Variants in CYP3A5 observed in about 807,000 individuals in gnomAD.
CYP3A5 encodes the protein cytochrome P450 3A5.
Under a neutral mutation model 55.9 loss-of-function variants are expected in CYP3A5, and 51 were observed. That is an observed-to-expected ratio of 0.91 (90% confidence interval 0.73 to 1.15). CYP3A5 has a LOEUF of 1.15. Among genes scored for constraint, CYP3A5 ranks in the 50% most tolerant of loss-of-function variants. The pLI is 0.00. For missense variants in CYP3A5, 533 were observed against 596.6 expected, an observed-to-expected ratio of 0.89 and a Z score of 1.11; for synonymous variants, 196 against 213.9, an observed-to-expected ratio of 0.92 and a Z score of 0.73.
chr7:99,649,299 G>T (rs1234754765), intron 12 of CYP3A5, among the ~76,000 whole-genome samples: 2 of 152,118 alleles, frequency 1.3e-5, no homozygotes, highest in African/African-American at 4.8e-5. Context: ...CCTCTCCCAA[G>T]CACAAAGTGT....
At position 99,665,207 on chromosome 7, in the gene CYP3A5, A is replaced by G. The variant is rs1462154958; in HGVS notation, c.629T>C (p.Phe210Ser). 6.2e-7 allele frequency: 1 copy of G among 1,614,000 alleles called. No individual in the cohort carries two copies. Among genetic ancestry groups the G allele is most frequent in the Middle Eastern group, 1.6e-4 (1 of 6,062 alleles). Residue 210 changes from phenylalanine (F) to serine (S), a missense_variant, in exon 7 of 13, where the codon TTC becomes TCC. By Grantham distance (155) the Phe-to-Ser change is radical. Transcript: ENST00000222982. ...QDPFVESTKK[F>S]LKFGFLDPLF... is the part of the protein sequence containing the mutation. ...TGGATCTAAGAAACCAAATTTTAGGAACTTCTTAGTGCTCTCCACAAAGGG... is the reference window on the plus strand; with the variant it reads ...TGGATCTAAGAAACCAAATTTTAGGGACTTCTTAGTGCTCTCCACAAAGGG...
chr7:99,678,532 T>C (rs1324402510), intron 1 of CYP3A5, among the ~76,000 whole-genome samples: 3 of 152,210 alleles, frequency 2.0e-5, no homozygotes, highest in Non-Finnish European at 4.4e-5. Context: ...GGTATACATT[T>C]GTGCATTAGA....
chr7:99,665,080 A>C, intron 7 of CYP3A5, 86 bp downstream of exon 7: 1 of 1,155,122 alleles, frequency 8.7e-7, no homozygotes. Context: ...TGTACCTTTT[A>C]AGTGGATGAA....
rs1299641392 is a variant in CYP3A5 at position 99,679,973 on chromosome 7, T to G, written c.-77A>C. ...GCTGCTGTTTGCTGGGCTGTTTGCCTGGAGCTTCCCTGCCCTGCACAGCAG... is the reference window on the plus strand; with the variant it reads ...GCTGCTGTTTGCTGGGCTGTTTGCCGGGAGCTTCCCTGCCCTGCACAGCAG... On this transcript the variant is annotated 5_prime_UTR_variant, in exon 1 of 13. Transcript: ENST00000222982. 1 of 1,306,314 alleles carries G rather than the reference T, an allele frequency of 7.7e-7. No homozygotes were observed. The highest frequency in any genetic ancestry group is 1.5e-5 in the African/African-American group (1 of 68,916). The allele number at this position is 1,306,314 out of a possible 1,614,324, so 80.9% of individuals were successfully genotyped here.
intron 7 of CYP3A5, among the ~76,000 whole-genome samples, chr7:99,664,382 G>C (rs912171950): frequency 6.6e-6 from 1 of 152,128 alleles, no homozygotes; most frequent in Non-Finnish European, 1.5e-5. Flanking sequence ...TTATCTATTG[G>C]ACTAGAGTTT....
At chr7:99,655,485 TGTA>T (rs1341769525) in intron 10 of CYP3A5, among the ~76,000 whole-genome samples, 1 of 152,190 alleles carries the variant, frequency 6.6e-6, no homozygotes, top group Non-Finnish European at 1.5e-5. Flanking sequence ...ACTGTAGCCT[TGTA>T]GTATAGTTTG....
At chr7:99,676,643 C>T in intron 1 of CYP3A5, 1 of 924,124 alleles carries the variant, frequency 1.1e-6, no homozygotes, top group Non-Finnish European at 1.6e-6. Flanking sequence ...TCACTGTATG[C>T]ACTCAATCAC....
chr7:99,676,128 A>T lies in CYP3A5; in HGVS notation c.152T>A (p.Leu51Ter). 2.5e-6 allele frequency: 4 copies of T among 1,613,716 alleles called. No individual in the cohort carries two copies. Among genetic ancestry groups the T allele is most frequent in the Non-Finnish European group, 3.4e-6 (4 of 1,179,822 alleles). The change falls in exon 2 of 13, where the codon TTG becomes TAG. Residue 51 changes from leucine (L) to a stop codon, truncating the protein, a stop_gained. Transcript: ENST00000222982. LOFTEE classifies it high-confidence loss of function. ...CAAGCAACTCACCTGACGATAGGAC[A>T]AAACATTTCCCAACAAAGGCAGAGG... ...PTPLPLLGNV[L>*]SYRQGLWKFD...
In CYP3A5 at chr7:99,652,852, T is replaced by C. The variant is rs28365094; in HGVS notation, c.1027-73A>G. 103,737 of 1,134,506 alleles carry C rather than the reference T, an allele frequency of 0.091. 5,601 individuals are homozygous for C. The highest frequency in any genetic ancestry group is 0.1 in the Non-Finnish European group (80,876 of 779,752). The allele number at this position is 1,134,506 out of a possible 1,614,324, so 70.3% of individuals were successfully genotyped here. A position where few individuals can be genotyped will look rare whatever the true frequency, so the allele number is the denominator to read the frequency against. On this transcript the variant is annotated intron_variant, in intron 10 of 12. Coordinates refer to ENST00000222982, the MANE Select transcript of CYP3A5 (RefSeq NM_000777.5). ...TCTCAACTGAGTCCATGCAGTACTA[T>C]TGAAGTATTAGAAGCTCCAGAGAAT...
chr7:99,670,400 C>T lies in CYP3A5; in HGVS notation c.318+2180G>A, dbSNP rs371830073. On this transcript the variant is annotated intron_variant, in intron 4 of 12. Coordinates refer to ENST00000222982, the MANE Select transcript of CYP3A5 (RefSeq NM_000777.5). Reference sequence around the variant, plus strand: ...TTAAGGCAAACAATTTTATGCATTTCGACATGTTGGCTAAACATGGTCCTG... The same window carrying T: ...TTAAGGCAAACAATTTTATGCATTTTGACATGTTGGCTAAACATGGTCCTG... Among the ~76,000 whole-genome samples, 43 of 152,238 alleles carry T rather than the reference C, an allele frequency of 2.8e-4. No individual in the cohort carries two copies. The East Asian group carries it at 4.2e-3, about 15-fold the overall frequency.
chr7:99,662,021 G>A lies in CYP3A5; in HGVS notation c.865+795C>T, dbSNP rs1358120599. Among the ~76,000 whole-genome samples, 1 of 152,180 alleles carries A rather than the reference G, an allele frequency of 6.6e-6. No individual in the cohort carries two copies. The highest frequency in any genetic ancestry group is 6.5e-5 in the Admixed American group (1 of 15,280). ...ATGATAGACTATTTTCTTTATCACAGCAAGTTTTGTTGAGATAGATAGATG... is the reference window on the plus strand; with the variant it reads ...ATGATAGACTATTTTCTTTATCACAACAAGTTTTGTTGAGATAGATAGATG... On this transcript the variant is annotated intron_variant, in intron 9 of 12. Coordinates refer to ENST00000222982, the MANE Select transcript of CYP3A5 (RefSeq NM_000777.5). The surrounding 1 kb of genome is among the most constrained non-coding windows in gnomAD (Gnocchi z 4.3).
chr7:99,651,940 T>TTAGGGA (rs1809229309), intron 11 of CYP3A5, among the ~76,000 whole-genome samples: 1 of 152,108 alleles, frequency 6.6e-6, no homozygotes. Flanking sequence ...GCTTAAACCA[T>TTAGGGA]TAGGGATGAG....
chr7:99,656,128 T>C (rs891079373), intron 10 of CYP3A5, among the ~76,000 whole-genome samples: 9 of 152,014 alleles, frequency 5.9e-5, no homozygotes, highest in African/African-American at 1.5e-4. Flanking sequence ...TGAATAGGAG[T>C]GGTGAGAGAG....
At position 99,674,386 on chromosome 7, in the gene CYP3A5, A is replaced by T. The variant is rs28969392; in HGVS notation, c.218+147T>A. On this transcript the variant is annotated intron_variant, in intron 3 of 12. Coordinates refer to ENST00000222982, the MANE Select transcript of CYP3A5 (RefSeq NM_000777.5). ...TGCAATATTCTACTCCCAAGTAATT[A>T]TCCTCTTCTTTCAGAGAACCTCTCT... The T allele has an allele frequency of 2.2e-3, 1,256 of 564,972 alleles. 7 individuals carry two copies. The highest frequency in any genetic ancestry group is 0.021 in the African/African-American group (1,110 of 52,238). The allele number at this position is 564,972 out of a possible 1,614,324, so 35.0% of individuals were successfully genotyped here.
chr7:99,674,337 TTA>T, intron 3 of CYP3A5, 194 bp downstream of exon 3: 1 of 466,244 alleles, frequency 2.1e-6, no homozygotes. Flanking sequence ...TGCACATAGT[TTA>T]TAACGGCAAG....
At chr7:99,674,959 C>T (rs2151453090) in intron 2 of CYP3A5, among the ~76,000 whole-genome samples, 1 of 152,366 alleles carries the variant, frequency 6.6e-6, no homozygotes, top group Non-Finnish European at 1.5e-5. Context: ...AAGTGAGTGT[C>T]TGCAGGGAAT....
At chr7:99,670,106 C>T (rs1435074945) in intron 4 of CYP3A5, among the ~76,000 whole-genome samples, 1 of 152,156 alleles carries the variant, frequency 6.6e-6, no homozygotes, top group East Asian at 1.9e-4. Flanking sequence ...GCAAGTCATT[C>T]ACTTTTTAGA....
intron 6 of CYP3A5, among the ~76,000 whole-genome samples, chr7:99,665,631 T>C (rs1315855992): frequency 6.6e-6 from 1 of 152,202 alleles, no homozygotes; most frequent in Non-Finnish European, 1.5e-5. Flanking sequence ...GTGGATGATA[T>C]AAGATATGTA....
rs1811089554 is a variant in CYP3A5, at chr7:99,666,994, C to T, written c.390G>A (p.Arg130=). The T allele has an allele frequency of 1.9e-6, 3 of 1,614,130 alleles. No homozygotes were observed. Among genetic ancestry groups the T allele is most frequent in the African/African-American group, 1.3e-5 (1 of 75,038 alleles). The change falls in exon 5 of 13, where the codon CGG becomes CGA. Residue 130 remains arginine, a synonymous_variant. Coordinates refer to ENST00000222982, the MANE Select transcript of CYP3A5 (RefSeq NM_000777.5). ...TGGTGAAGGTTGGAGACAGCAATGA[C>T]CGTATTCTCTTCCATTCTTCATCCT... is the stretch of plus-strand genomic sequence containing the variant. ...LAEDEEWKRI[R]SLLSPTFTSG...
Sources: gnomAD v4.1 joint callset for allele counts (sites outside exome capture counted in the v4.1 genomes callset) on GRCh38, gnomAD v4.1.1 for gene constraint, Gnocchi (gnomAD v3.1) non-coding constraint, MANE v1.5 for transcripts, NCBI Gene and HGNC (gene_info 2026-07-23, HGNC 2026-07-21) for gene names.